The following ULK4 variants were observed in gnomAD, a reference collection of about 807,000 sequenced individuals.
ULK4 encodes inactive serine/threonine-protein kinase ULK4.
In ULK4, 133 loss-of-function variants were observed where a neutral mutation model predicts 160.6. That is an observed-to-expected ratio of 0.83 (90% CI 0.72 to 0.96). ULK4 has a LOEUF of 0.96. Among genes scored for constraint, ULK4 ranks in the 40% least tolerant of loss-of-function variants. The pLI, the probability that ULK4 is intolerant of heterozygous loss-of-function variation, is 0.00. For synonymous variants in ULK4, 534 were observed against 539.8 expected (o/e 0.99, Z 0.15); for missense variants, 1,580 against 1,499.5 (o/e 1.05, Z -0.89).
At chr3:41,317,061 C>CTCTTTTT (rs1170201981) in intron 35 of ULK4, among the ~76,000 whole-genome samples, 2 of 92,140 alleles carry the variant, frequency 2.2e-5, no homozygotes, top group Non-Finnish European at 4.4e-5. Flanking sequence ...GCAATTACAT[C>CTCTTTTT]TATTTTTTTT....
At chr3:41,496,895 T>A (rs2085011659) in intron 32 of ULK4, among the ~76,000 whole-genome samples, 1 of 151,890 alleles carries the variant, frequency 6.6e-6, no homozygotes, top group African/African-American at 2.4e-5. Context: ...GAACCACCAG[T>A]AAATTAAGTA....
chr3:41,679,885 G>GT (rs1217385134), intron 29 of ULK4, among the ~76,000 whole-genome samples: 1 of 151,992 alleles, frequency 6.6e-6, no homozygotes, highest in Non-Finnish European at 1.5e-5. Context: ...TTTTGTTTTT[G>GT]TTTTTTTCTT....
At chr3:41,907,785 C>G (rs761169783) in intron 12 of ULK4, 60 bp downstream of exon 12, 1 of 1,093,264 alleles carries the variant, frequency 9.1e-7, no homozygotes, top group Non-Finnish European at 1.3e-6. Context: ...TACCAACTTA[C>G]AATTATTCTT....
chr3:41,946,303 T>C (rs992245550), intron 2 of ULK4, among the ~76,000 whole-genome samples: 1 of 152,108 alleles, frequency 6.6e-6, no homozygotes, highest in Non-Finnish European at 1.5e-5. Flanking sequence ...GTACATACCA[T>C]AGGAACCCAT....
At position 41,246,666 on chromosome 3, in the gene ULK4, G is replaced by C. The variant is rs1489685059; in HGVS notation, c.*263C>G. ...CCTTAGCCCACCTGGCCCACACAGA[G>C]AGGGAAAGAACATTTCTGAGAACAG... On this transcript the variant is annotated 3_prime_UTR_variant, in exon 37 of 37. Coordinates refer to ENST00000301831, the MANE Select transcript of ULK4 (RefSeq NM_017886.4). The C allele has an allele frequency of 1.1e-5, 5 of 447,294 alleles. No individual in the cohort carries two copies. Among genetic ancestry groups the C allele is most frequent in the African/African-American group, 7.9e-5 (4 of 50,880 alleles). The allele number at this position is 447,294 out of a possible 1,614,324, so 27.7% of individuals were successfully genotyped here.
chr3:41,336,013 G>A (rs560101269), intron 35 of ULK4, among the ~76,000 whole-genome samples: 2 of 152,322 alleles, frequency 1.3e-5, no homozygotes, highest in South Asian at 4.1e-4. Flanking sequence ...GATATTCAGA[G>A]GAAGGGAGGA....
At chr3:41,332,842 T>C (rs1182214913) in intron 35 of ULK4, among the ~76,000 whole-genome samples, 2 of 152,198 alleles carry the variant, frequency 1.3e-5, no homozygotes, top group South Asian at 2.1e-4. Flanking sequence ...GTGTCTATTG[T>C]TGCCATCTTT....
At chr3:41,803,675 C>T (rs2040542358) in intron 19 of ULK4, among the ~76,000 whole-genome samples, 1 of 152,128 alleles carries the variant, frequency 6.6e-6, no homozygotes, top group African/African-American at 2.4e-5. Context: ...GTGATGTTCC[C>T]CTTCCTGTGT....
chr3:41,268,742 C>G (rs9810387), intron 35 of ULK4, among the ~76,000 whole-genome samples: 1 of 146,510 alleles, frequency 6.8e-6, no homozygotes, highest in African/African-American at 2.6e-5. Flanking sequence ...GAGATGGAGG[C>G]TGCAGTGAGC....
chr3:41,758,700 C>T (rs1045023325), intron 21 of ULK4, among the ~76,000 whole-genome samples: 4 of 151,866 alleles, frequency 2.6e-5, no homozygotes, highest in African/African-American at 7.3e-5. Context: ...AGTGAAACCC[C>T]GTCTCTACCA....
chr3:41,437,292 A>T (rs1202730819), intron 34 of ULK4, among the ~76,000 whole-genome samples: 1 of 152,208 alleles, frequency 6.6e-6, no homozygotes, highest in Non-Finnish European at 1.5e-5. Context: ...TGAATGATCT[A>T]AGAAGCTTGG....
At chr3:41,832,296 A>G (rs1023960364) in intron 18 of ULK4, among the ~76,000 whole-genome samples, 5 of 152,162 alleles carry the variant, frequency 3.3e-5, no homozygotes, top group African/African-American at 9.7e-5. Flanking sequence ...CATCAGTGAT[A>G]ATGAGCTTTT....
chr3:41,428,584 GGAATA>G (rs1407144231), intron 34 of ULK4, among the ~76,000 whole-genome samples: 1 of 152,092 alleles, frequency 6.6e-6, no homozygotes, highest in African/African-American at 2.4e-5. Context: ...ATTGAGCAAT[GGAATA>G]GAATAGAGAT....
intron 31 of ULK4, among the ~76,000 whole-genome samples, chr3:41,594,356 G>GT (rs2031551082): frequency 1.3e-5 from 2 of 152,054 alleles, no homozygotes; most frequent in South Asian, 4.2e-4. Context: ...GAGCAACACA[G>GT]TGAGACTTCC....
intron 34 of ULK4, among the ~76,000 whole-genome samples, chr3:41,413,542 A>C (rs752939013): frequency 8.5e-5 from 13 of 152,184 alleles, no homozygotes; most frequent in Non-Finnish European, 1.9e-4. Flanking sequence ...TACCACCATT[A>C]CCCTCCTCAT....
intron 34 of ULK4, among the ~76,000 whole-genome samples, chr3:41,400,232 G>C (rs1450680335): frequency 2.6e-5 from 4 of 151,924 alleles, no homozygotes; most frequent in Non-Finnish European, 5.9e-5. Context: ...TTGTGTATGT[G>C]TGTTTGTACA....
At chr3:41,753,299 C>G (rs2038689944) in intron 22 of ULK4, among the ~76,000 whole-genome samples, 1 of 152,116 alleles carries the variant, frequency 6.6e-6, no homozygotes, top group African/African-American at 2.4e-5. Context: ...TCTTGATCTA[C>G]AAAGCCTACT....
intron 35 of ULK4, among the ~76,000 whole-genome samples, chr3:41,290,946 C>A (rs1253799193): frequency 6.6e-6 from 1 of 152,224 alleles, no homozygotes; most frequent in Non-Finnish European, 1.5e-5. Context: ...TCACTGGAGA[C>A]AACACAGGCA....
At chr3:41,306,491 G>A (rs532663965) in intron 35 of ULK4, among the ~76,000 whole-genome samples, 2 of 146,322 alleles carry the variant, frequency 1.4e-5, no homozygotes, top group South Asian at 2.2e-4. Flanking sequence ...TCAGCCCCCC[G>A]CCCGGCCAGC....
Sources: allele counts gnomAD v4.1 joint callset (sites outside exome capture counted in the v4.1 genomes callset), GRCh38; gene constraint gnomAD v4.1.1; transcripts MANE v1.5; gene names NCBI Gene and HGNC (gene_info 2026-07-23, HGNC 2026-07-21).